The following LRRC4B variants were observed in gnomAD, a reference collection of about 807,000 sequenced individuals.
The protein encoded by LRRC4B is leucine rich repeat containing 4B.
A neutral mutation model predicts 7.3 loss-of-function variants in LRRC4B; 1 was observed. The ratio of observed to expected loss-of-function variants is 0.14; its 90% CI spans 0.05 to 0.65. The LOEUF is 0.65. Ranked by LOEUF, LRRC4B falls within the 30% of genes least tolerant of loss-of-function variation. The probability of loss-of-function intolerance (pLI) is 0.84; values close to 1 mark genes in which losing one functional copy is unlikely to be tolerated. For missense variants in LRRC4B, 730 were observed against 1,041.6 expected (o/e 0.70, Z 4.12); for synonymous variants, 500 against 499.2 (o/e 1.00, Z -0.02).
chr19:50,566,028 T>A (rs12973486), intron 1 of LRRC4B, among the ~76,000 whole-genome samples: 23,980 of 151,840 alleles, frequency 0.16, 2,471 homozygotes, highest in Admixed American at 0.28. Flanking sequence ...CTCATTTCTC[T>A]GTGTGCGTTT....
chr19:50,552,542 G>A (rs181056243), intron 1 of LRRC4B, among the ~76,000 whole-genome samples: 134 of 149,782 alleles, frequency 8.9e-4, no homozygotes, highest in Middle Eastern at 6.9e-3. Context: ...CAACTTATCC[G>A]CCCATCCATC....
intron 1 of LRRC4B, among the ~76,000 whole-genome samples, chr19:50,550,495 A>T (rs1273383103): frequency 6.6e-6 from 1 of 150,678 alleles, no homozygotes; most frequent in Non-Finnish European, 1.5e-5. Context: ...AGGACCCCCG[A>T]CACAGGCTCA....
At chr19:50,536,927 C>T (rs1981320031) in intron 2 of LRRC4B, among the ~76,000 whole-genome samples, 1 of 152,052 alleles carries the variant, frequency 6.6e-6, no homozygotes, top group Non-Finnish European at 1.5e-5. Flanking sequence ...GGGTGGCTTG[C>T]AGAAAGGTGT....
At position 50,568,299 on chromosome 19, in the gene LRRC4B, C is replaced by A. The variant is rs1982712086; in HGVS notation, c.-391G>T. 6.6e-6 allele frequency among the ~76,000 whole-genome samples: 1 copy of A among 151,364 alleles called. No homozygotes were observed. Among genetic ancestry groups the A allele is most frequent in the African/African-American group, 2.4e-5 (1 of 41,264 alleles). Reference sequence around the variant, plus strand: ...TCCAGCCTTCCTTCCTTCCTTCCTCCCTCCTCGGGCCCGCCGGCGCCGCTC... The same window carrying A: ...TCCAGCCTTCCTTCCTTCCTTCCTCACTCCTCGGGCCCGCCGGCGCCGCTC... On this transcript the variant is annotated 5_prime_UTR_variant, in exon 1 of 3. Transcript: ENST00000652263.
chr19:50,564,191 A>C (rs1454158486), intron 1 of LRRC4B, among the ~76,000 whole-genome samples: 1 of 152,222 alleles, frequency 6.6e-6, no homozygotes, highest in East Asian at 1.9e-4. Context: ...CACAACCCAC[A>C]GTTATCCAGG....
At chr19:50,560,269 C>T (rs186504964) in intron 1 of LRRC4B, among the ~76,000 whole-genome samples, 33 of 152,282 alleles carry the variant, frequency 2.2e-4, no homozygotes, top group African/African-American at 7.0e-4. Flanking sequence ...CATCTCACTC[C>T]TATATTCCAT....
chr19:50,546,676 T>G (rs1297219256), intron 2 of LRRC4B, among the ~76,000 whole-genome samples: 2 of 152,146 alleles, frequency 1.3e-5, no homozygotes, highest in Non-Finnish European at 2.9e-5. Flanking sequence ...TTATCATAAA[T>G]GAATGTACGT....
chr19:50,535,008 A>C lies in LRRC4B; in HGVS notation c.297+13534T>G, dbSNP rs554863041. Among the ~76,000 whole-genome samples the C allele has an allele frequency of 4.8e-5, 7 of 146,222 alleles. No individual in the cohort carries two copies. In the East Asian group the frequency reaches 8.3e-4, roughly 17 times the overall value. ...CTCAGCCTCCCGAGTAGCTGGGATT[A>C]CAGGCGCCTGCCACCACACCCAGCT... is the stretch of plus-strand genomic sequence containing the variant. On this transcript the variant is annotated intron_variant, in intron 2 of 2. Coordinates refer to ENST00000652263, the MANE Select transcript of LRRC4B (RefSeq NM_001080457.2).
intron 2 of LRRC4B, among the ~76,000 whole-genome samples, chr19:50,539,036 C>T (rs1263901603): frequency 1.3e-5 from 2 of 152,050 alleles, no homozygotes; most frequent in Admixed American, 6.6e-5. Context: ...CCCGCCACCA[C>T]ACCCGGCTAA....
chr19:50,554,187 G>A (rs145078510), intron 1 of LRRC4B, among the ~76,000 whole-genome samples: 1 of 152,054 alleles, frequency 6.6e-6, no homozygotes, highest in East Asian at 1.9e-4. Flanking sequence ...AGAATCGGGG[G>A]TTTCACCATG....
At position 50,535,006 on chromosome 19, in the gene LRRC4B, T is replaced by C. The variant is rs536030198; in HGVS notation, c.297+13536A>G. ...GCCTCAGCCTCCCGAGTAGCTGGGATTACAGGCGCCTGCCACCACACCCAG... is the reference window on the plus strand; with the variant it reads ...GCCTCAGCCTCCCGAGTAGCTGGGACTACAGGCGCCTGCCACCACACCCAG... On this transcript the variant is annotated intron_variant, in intron 2 of 2. Coordinates refer to ENST00000652263, the MANE Select transcript of LRRC4B (RefSeq NM_001080457.2). Among the ~76,000 whole-genome samples the C allele has an allele frequency of 2.8e-4, 42 of 151,900 alleles. 1 individual carries two copies. The highest frequency in any genetic ancestry group is 1.5e-3 in the Admixed American group (23 of 15,248).
intron 1 of LRRC4B, among the ~76,000 whole-genome samples, chr19:50,552,680 C>CCATCCATCCATCCATT (rs1982134063): frequency 6.8e-6 from 1 of 147,548 alleles, no homozygotes; most frequent in Admixed American, 6.9e-5. Context: ...ATCCATCCAT[C>CCATCCATCCATCCATT]CATCCATCCG....
rs771282325 is a variant in LRRC4B, at chr19:50,517,871, G to A, written c.1842C>T (p.Thr614=). 18 of 1,593,642 alleles carry A rather than the reference G, an allele frequency of 1.1e-5. No homozygotes were observed. The highest frequency in any genetic ancestry group is 3.6e-5 in the Admixed American group (2 of 55,294). ...CGTCCTCCACGTTGATGATCTCCACGGTGCGCGTGGGCCCGTGGTGCTTGT... is the reference window on the plus strand; with the variant it reads ...CGTCCTCCACGTTGATGATCTCCACAGTGCGCGTGGGCCCGTGGTGCTTGT... The part of the protein sequence containing the change: ...QLHKHHGPTR[T]VEIINVEDEL... Residue 614 remains threonine, a synonymous_variant, in exon 3 of 3, where the codon ACC becomes ACT. Coordinates refer to ENST00000652263, the MANE Select transcript of LRRC4B (RefSeq NM_001080457.2). The surrounding 1 kb of genome is among the most constrained non-coding windows in gnomAD (Gnocchi z 6.6).
chr19:50,521,513 C>T (rs1024593806), intron 2 of LRRC4B, among the ~76,000 whole-genome samples: 9 of 152,158 alleles, frequency 5.9e-5, no homozygotes, highest in Admixed American at 1.3e-4. Context: ...CTGTAACCTC[C>T]GCCTTCCAGG....
intron 1 of LRRC4B, among the ~76,000 whole-genome samples, chr19:50,567,484 T>C (rs1394051596): frequency 6.7e-6 from 1 of 148,236 alleles, no homozygotes; most frequent in African/African-American, 2.5e-5. Context: ...TGCCCGCCTC[T>C]CCCCCCTCCC....
At chr19:50,539,069 A>T (rs1319610452) in intron 2 of LRRC4B, among the ~76,000 whole-genome samples, 2 of 148,868 alleles carry the variant, frequency 1.3e-5, no homozygotes, top group African/African-American at 5.0e-5. Context: ...TAGTAGAGAC[A>T]GGGTTTCACC....
chr19:50,567,589 AG>A (rs58303256), intron 1 of LRRC4B, among the ~76,000 whole-genome samples: 23,614 of 150,276 alleles, frequency 0.16, 2,009 homozygotes, highest in Middle Eastern at 0.26. Context: ...CGCCCCAGAA[AG>A]GGGGGCCCGG....
chr19:50,544,379 C>A (rs1401803339), intron 2 of LRRC4B, among the ~76,000 whole-genome samples: 1 of 151,628 alleles, frequency 6.6e-6, no homozygotes, highest in South Asian at 2.1e-4. Context: ...TGGTGGCGGG[C>A]ACCTGTAGTC....
rs777565536 is a variant in LRRC4B at position 50,518,109 on chromosome 19, G to A, written c.1604C>T (p.Ser535Leu). 5.0e-6 allele frequency: 8 copies of A among 1,595,098 alleles called. No individual in the cohort carries two copies. In the East Asian group the frequency reaches 1.3e-4, roughly 27 times the overall value. ...CGGGGCGGGTGCCGTGGTAGAAGAC[G>A]AGGCAGGGCCGGCCGCGTCCCCAGG... Reference protein sequence around the residue: ...GRPGDAAGPASSSTTAPAPRS... With the variant: ...GRPGDAAGPALSSTTAPAPRS... The change falls in exon 3 of 3, where the codon TCG (serine) becomes TTG (leucine). Residue 535 changes from serine to leucine, a missense_variant. By Grantham distance (145) the Ser-to-Leu change is moderately radical (BLOSUM62 -2). Around this residue, in one of 6 missense-constraint regions of LRRC4B, gnomAD observed 192 missense variants for 228.6 expected, o/e 0.84. Transcript: ENST00000652263.
Sources: gnomAD v4.1 joint callset for allele counts (sites outside exome capture counted in the v4.1 genomes callset) on GRCh38, gnomAD v4.1.1 for gene constraint, gnomAD v4.1.1 regional missense constraint, Gnocchi (gnomAD v3.1) non-coding constraint, MANE v1.5 for transcripts, NCBI Gene and HGNC (gene_info 2026-07-23, HGNC 2026-07-21) for gene names.